The following ZNF438 variants were observed in gnomAD, a reference collection of about 807,000 sequenced individuals.
The protein encoded by ZNF438 is zinc finger protein 438.
A neutral mutation model predicts 38.0 loss-of-function variants in ZNF438; 25 were observed. That is an observed-to-expected ratio of 0.66 (90% CI 0.48 to 0.92). The LOEUF is 0.92. Ranked by LOEUF, ZNF438 falls within the 40% of genes least tolerant of loss-of-function variation. ZNF438 has a pLI of 0.00. For synonymous variants in ZNF438, 372 were observed against 364.1 expected (o/e 1.02, Z -0.25); for missense variants, 1,007 against 999.6 (o/e 1.01, Z -0.10).
chr10:31,003,959 T>C (rs1006964713), intron 1 of ZNF438, among the ~76,000 whole-genome samples: 2 of 152,190 alleles, frequency 1.3e-5, no homozygotes, highest in East Asian at 3.8e-4. Flanking sequence ...TTGGTCACAT[T>C]AAATTTGCAA....
rs564384197 is a variant in ZNF438, at chr10:30,951,133, G to A, written c.-191-9482C>T. On this transcript the variant is annotated intron_variant, in intron 1 of 5. Transcript: ENST00000413025. ...AAATGTAATCCAGCATATAAACAGA[G>A]CCAAAGACAAAAACCACATGATTAT... 1.0e-3 allele frequency among the ~76,000 whole-genome samples: 149 copies of A among 148,988 alleles called. No homozygotes were observed. The Middle Eastern group carries it at 0.01, about 10-fold the overall frequency.
chr10:30,883,536 TAAG>T lies in ZNF438; in HGVS notation c.-31-6474_-31-6472del, dbSNP rs1329122790. On this transcript the variant is annotated intron_variant, in intron 3 of 5. Coordinates refer to ENST00000413025, the Ensembl canonical transcript of ZNF438. ...TTTTTAAAAATGTTTCTTAAAATAT[TAAG>T]AAATATAAAAATTGCTTATGACATG... Among the ~76,000 whole-genome samples, 7 of 152,280 alleles carry T rather than the reference TAAG, an allele frequency of 4.6e-5. No individual in the cohort carries two copies. The East Asian group carries it at 1.3e-3, about 29-fold the overall frequency.
intron 3 of ZNF438, among the ~76,000 whole-genome samples, chr10:30,904,978 A>C (rs1008083573): frequency 6.6e-6 from 1 of 152,146 alleles, no homozygotes; most frequent in African/African-American, 2.4e-5. Context: ...ACAGACAAGA[A>C]GCTCTAGAGG....
chr10:30,867,222 A>G (rs2036594448), intron 4 of ZNF438, among the ~76,000 whole-genome samples: 1 of 152,202 alleles, frequency 6.6e-6, no homozygotes, highest in Admixed American at 6.5e-5. Context: ...ATCACAACTG[A>G]CTGAATGCAG....
At chr10:30,966,756 T>C (rs1305472485) in intron 1 of ZNF438, among the ~76,000 whole-genome samples, 2 of 151,786 alleles carry the variant, frequency 1.3e-5, no homozygotes, top group Admixed American at 6.6e-5. Context: ...ATGATTAATA[T>C]CAGCAATTCA....
chr10:30,904,620 A>G (rs2042387971), intron 3 of ZNF438, among the ~76,000 whole-genome samples: 1 of 152,132 alleles, frequency 6.6e-6, no homozygotes, highest in African/African-American at 2.4e-5. Flanking sequence ...CACATTGATG[A>G]GGTTGTCCAC....
chr10:31,007,889 T>G (rs2133002597), intron 1 of ZNF438, among the ~76,000 whole-genome samples: 1 of 152,330 alleles, frequency 6.6e-6, no homozygotes, highest in Non-Finnish European at 1.5e-5. Context: ...TCTGTAGGAC[T>G]CAGCTCTCTC....
intron 1 of ZNF438, among the ~76,000 whole-genome samples, chr10:30,978,288 A>C (rs192199002): frequency 2.0e-5 from 3 of 152,312 alleles, no homozygotes; most frequent in Admixed American, 1.3e-4. Context: ...GGGACTTTTA[A>C]TTCATATATT....
At chr10:30,944,156 A>C (rs556551804) in intron 1 of ZNF438, among the ~76,000 whole-genome samples, 1 of 152,278 alleles carries the variant, frequency 6.6e-6, no homozygotes, top group East Asian at 1.9e-4. Context: ...TCTTTCTGAC[A>C]CATCTGTTTC....
intron 1 of ZNF438, among the ~76,000 whole-genome samples, chr10:31,013,681 C>T (rs1036982962): frequency 5.3e-5 from 8 of 152,130 alleles, no homozygotes; most frequent in Non-Finnish European, 1.2e-4. Flanking sequence ...AAGGTATCCA[C>T]CTCCTTATGG....
chr10:30,987,469 T>C (rs1165424965), intron 1 of ZNF438, among the ~76,000 whole-genome samples: 1 of 152,172 alleles, frequency 6.6e-6, no homozygotes, highest in African/African-American at 2.4e-5. Context: ...ACATAACGGA[T>C]GATTTTCATT....
rs368776764 is a variant in ZNF438 at position 30,976,671 on chromosome 10, A to G, written c.-191-35020T>C. On this transcript the variant is annotated intron_variant, in intron 1 of 5. Coordinates refer to ENST00000413025, the Ensembl canonical transcript of ZNF438. The stretch of plus-strand genomic sequence containing the variant: ...TGCCCACTTGAGCCCTAGAGATTGG[A>G]AGGTGCAATGAGCTATGATCGTGCC... Among the ~76,000 whole-genome samples the G allele has an allele frequency of 3.3e-5, 5 of 152,244 alleles. No individual in the cohort carries two copies. The East Asian group carries it at 9.7e-4, about 29-fold the overall frequency.
At chr10:30,956,427 C>T (rs1288070112) in intron 1 of ZNF438, among the ~76,000 whole-genome samples, 1 of 152,126 alleles carries the variant, frequency 6.6e-6, no homozygotes, top group African/African-American at 2.4e-5. Context: ...TTAATGAGAA[C>T]ATTCAAAGCT....
intron 1 of ZNF438, among the ~76,000 whole-genome samples, chr10:30,951,869 T>A (rs2048245063): frequency 6.6e-6 from 1 of 151,632 alleles, no homozygotes; most frequent in Non-Finnish European, 1.5e-5. Context: ...AAGCTACCAA[T>A]GCCTTTCTTC....
Position 30,870,025 on chromosome 10 carries a change from C to T in ZNF438, c.37+6973G>A, listed in dbSNP as rs377626969. The stretch of plus-strand genomic sequence containing the variant: ...TACTGAACTAAGAATTTATGGTCAC[C>T]TTCAAATAATATGTTACTTTATTAA... On this transcript the variant is annotated intron_variant, in intron 4 of 5. Transcript: ENST00000413025. Among the ~76,000 whole-genome samples, 36 of 152,236 alleles carry T rather than the reference C, an allele frequency of 2.4e-4. 1 individual carries two copies. Among genetic ancestry groups the T allele is most frequent in the African/African-American group, 8.2e-4 (34 of 41,552 alleles).
chr10:30,875,822 G>A (rs1184493325), intron 4 of ZNF438, among the ~76,000 whole-genome samples: 1 of 152,232 alleles, frequency 6.6e-6, no homozygotes, highest in East Asian at 1.9e-4. Context: ...AAGGCCATTA[G>A]GCATCCCAGG....
At chr10:30,959,988 T>C (rs1427210411) in intron 1 of ZNF438, among the ~76,000 whole-genome samples, 2 of 145,338 alleles carry the variant, frequency 1.4e-5, no homozygotes, top group South Asian at 4.4e-4. Flanking sequence ...GTAATCTCAT[T>C]GTGGTATCTC....
At chr10:30,851,974 G>T (rs549536872) in intron 4 of ZNF438, among the ~76,000 whole-genome samples, 2 of 151,664 alleles carry the variant, frequency 1.3e-5, no homozygotes, top group Non-Finnish European at 2.9e-5. Flanking sequence ...ACCTGGCCAC[G>T]TGATGAAACT....
At chr10:30,950,701 G>C (rs1411561136) in intron 1 of ZNF438, among the ~76,000 whole-genome samples, 2 of 143,036 alleles carry the variant, frequency 1.4e-5, no homozygotes, top group African/African-American at 2.7e-5. Flanking sequence ...AAACCAGGAA[G>C]AAGTTGAATC....
Sources: gnomAD v4.1 joint callset for allele counts (sites outside exome capture counted in the v4.1 genomes callset) on GRCh38, gnomAD v4.1.1 for gene constraint, MANE v1.5 for transcripts, NCBI Gene and HGNC (gene_info 2026-07-23, HGNC 2026-07-21) for gene names.